The following CHRM3 variants were observed in gnomAD, a reference collection of about 807,000 sequenced individuals.
CHRM3 encodes the protein muscarinic acetylcholine receptor M3.
A neutral mutation model predicts 41.8 loss-of-function variants in CHRM3; 11 were observed. The observed-to-expected ratio is 0.26, with a 90% confidence interval of 0.17 to 0.44. The LOEUF is 0.44. CHRM3 is among the 20% of genes least tolerant of loss of function. The pLI is 1.00. For missense variants in CHRM3, 571 were observed against 745.4 expected, an observed-to-expected ratio of 0.77 and a Z score of 2.72; for synonymous variants, 297 against 301.4, an observed-to-expected ratio of 0.99 and a Z score of 0.15.
intron 5 of CHRM3, among the ~76,000 whole-genome samples, chr1:239,812,071 C>G (rs1416801663): frequency 6.6e-6 from 1 of 152,038 alleles, no homozygotes; most frequent in Non-Finnish European, 1.5e-5. Context: ...ACAGAATCTC[C>G]CTTTGTCACC....
intron 2 of CHRM3, among the ~76,000 whole-genome samples, chr1:239,535,192 G>C (rs1184552105): frequency 6.6e-6 from 1 of 152,052 alleles, no homozygotes; most frequent in Non-Finnish European, 1.5e-5. Flanking sequence ...AGAAAAACTT[G>C]GGGATTCACC....
chr1:239,910,305 ATATATATATATGTG>A lies in CHRM3; in HGVS notation c.*1093_*1106del, dbSNP rs1000330576. 6.4e-6 allele frequency: 1 copy of A among 156,142 alleles called. No individual in the cohort carries two copies. The highest frequency in any genetic ancestry group is 1.5e-5 in the Non-Finnish European group (1 of 65,380). The allele number at this position is 156,142 out of a possible 1,614,324, so 9.7% of individuals were successfully genotyped here. A position where few individuals can be genotyped will look rare whatever the true frequency, so the allele number is the denominator to read the frequency against. On this transcript the variant is annotated 3_prime_UTR_variant, in exon 7 of 7. Transcript: ENST00000676153. ...TCACGTTTGAATGTCATACACAGCAATATATATATATGTGTATATATATATATATGGCAAAGCAA... is the reference window on the plus strand; with the variant it reads ...TCACGTTTGAATGTCATACACAGCAATATATATATATATATGGCAAAGCAA...
chr1:239,849,020 A>C (rs1336567078), intron 6 of CHRM3, among the ~76,000 whole-genome samples: 1 of 152,216 alleles, frequency 6.6e-6, no homozygotes, highest in African/African-American at 2.4e-5. Context: ...TTTGAGTGTT[A>C]GTCCTTATGG....
Position 239,511,950 on chromosome 1 carries a change from G to A in CHRM3, c.-422+19143G>A, listed in dbSNP as rs1048582009. ...CTTGTTTAAAAAGAGGAATCTGGTAGGAACATTAATTGATTATGATGAGTG... is the reference window on the plus strand; with the variant it reads ...CTTGTTTAAAAAGAGGAATCTGGTAAGAACATTAATTGATTATGATGAGTG... On this transcript the variant is annotated intron_variant, in intron 2 of 6. Transcript: ENST00000676153. Among the ~76,000 whole-genome samples the A allele has an allele frequency of 2.0e-5, 3 of 152,252 alleles. No individual in the cohort carries two copies. In the South Asian group the frequency reaches 6.2e-4, roughly 32 times the overall value.
chr1:239,486,774 C>T (rs573084218), intron 1 of CHRM3, among the ~76,000 whole-genome samples: 2 of 152,184 alleles, frequency 1.3e-5, no homozygotes, highest in Admixed American at 6.5e-5. Flanking sequence ...GATGCTTCCT[C>T]ATCACCATCA....
intron 3 of CHRM3, among the ~76,000 whole-genome samples, chr1:239,560,329 G>A (rs1011816317): frequency 1.3e-5 from 2 of 151,818 alleles, no homozygotes; most frequent in South Asian, 4.2e-4. Context: ...TCTTTTTATG[G>A]TCATTAATTT....
intron 5 of CHRM3, among the ~76,000 whole-genome samples, chr1:239,696,730 A>G (rs1247467084): frequency 2.6e-5 from 4 of 152,182 alleles, no homozygotes; most frequent in Non-Finnish European, 5.9e-5. Context: ...TGTGTCAAAA[A>G]TGTCTTTTAT....
At chr1:239,886,616 T>C (rs1003674762) in intron 6 of CHRM3, 16 of 152,246 alleles carry the variant, frequency 1.1e-4, no homozygotes, top group Admixed American at 9.8e-4. Flanking sequence ...GATTTCCATA[T>C]GTTTGCTTGT....
chr1:239,743,028 T>G lies in CHRM3; in HGVS notation c.-147+64740T>G, dbSNP rs78205882. ...ATGTTCAGTGGCTCATAATATTTAA[T>G]GAAGCAGTGACTCGGAGCCCAAAGT... On this transcript the variant is annotated intron_variant, in intron 5 of 6. Transcript: ENST00000676153. Among the ~76,000 whole-genome samples the G allele has an allele frequency of 3.6e-3, 542 of 152,260 alleles. 6 individuals carry two copies. The highest frequency in any genetic ancestry group is 0.012 in the African/African-American group (515 of 41,560).
At chr1:239,653,538 G>A (rs1216134611) in intron 4 of CHRM3, among the ~76,000 whole-genome samples, 2 of 152,112 alleles carry the variant, frequency 1.3e-5, no homozygotes, top group Non-Finnish European at 2.9e-5. Context: ...GGAAGGAGGG[G>A]AAGGTGGTCG....
At chr1:239,446,423 TCTG>T (rs906620675) in intron 1 of CHRM3, among the ~76,000 whole-genome samples, 2 of 152,218 alleles carry the variant, frequency 1.3e-5, no homozygotes, top group African/African-American at 4.8e-5. Flanking sequence ...TGTCATTTAA[TCTG>T]CTAAGAAATC....
At chr1:239,536,758 G>C (rs1363749244) in intron 2 of CHRM3, among the ~76,000 whole-genome samples, 1 of 152,094 alleles carries the variant, frequency 6.6e-6, no homozygotes, top group Non-Finnish European at 1.5e-5. Context: ...GGAAAACCAA[G>C]GTCTTTTCAG....
rs550197406 is a variant in CHRM3 at position 239,516,259 on chromosome 1, G to A, written c.-422+23452G>A. 1.3e-4 allele frequency among the ~76,000 whole-genome samples: 20 copies of A among 152,058 alleles called. 1 individual carries two copies. The highest frequency in any genetic ancestry group is 6.8e-3 in the Middle Eastern group (2 of 292). ...CAATTATGCAAACACATTAAATAAA[G>A]GAAAAGAGCTGTATGTTAAGAAATT... On this transcript the variant is annotated intron_variant, in intron 2 of 6. Transcript: ENST00000676153.
intron 3 of CHRM3, among the ~76,000 whole-genome samples, chr1:239,617,108 A>T (rs1316110207): frequency 6.6e-6 from 1 of 152,144 alleles, no homozygotes; most frequent in African/African-American, 2.4e-5. Context: ...GGTCAAACAA[A>T]ATTGAGAAAA....
chr1:239,772,981 G>A (rs1382334815), intron 5 of CHRM3, among the ~76,000 whole-genome samples: 5 of 152,176 alleles, frequency 3.3e-5, no homozygotes, highest in Non-Finnish European at 7.3e-5. Flanking sequence ...ACTCAGCACA[G>A]AGCCTAGCAC....
chr1:239,415,288 A>G (rs1661409351), intron 1 of CHRM3, among the ~76,000 whole-genome samples: 1 of 152,106 alleles, frequency 6.6e-6, no homozygotes, highest in Non-Finnish European at 1.5e-5. Flanking sequence ...AAAAATGCAA[A>G]AATTAGCCAG....
chr1:239,636,525 G>C (rs1670484972), intron 4 of CHRM3, among the ~76,000 whole-genome samples: 1 of 152,158 alleles, frequency 6.6e-6, no homozygotes, highest in African/African-American at 2.4e-5. Context: ...TAGCCTCGTG[G>C]TTACATTACA....
intron 5 of CHRM3, among the ~76,000 whole-genome samples, chr1:239,716,800 GA>G (rs1291980754): frequency 2.6e-5 from 4 of 152,058 alleles, no homozygotes; most frequent in African/African-American, 9.7e-5. Context: ...AGCTCAAGGG[GA>G]GCGGGGATGT....
At chr1:239,702,610 T>G (rs147078632) in intron 5 of CHRM3, among the ~76,000 whole-genome samples, 1 of 152,352 alleles carries the variant, frequency 6.6e-6, no homozygotes, top group Non-Finnish European at 1.5e-5. Context: ...CTCACTTTGC[T>G]TTTTTCTTTT....
Sources: gnomAD v4.1 joint callset for allele counts (sites outside exome capture counted in the v4.1 genomes callset) on GRCh38, gnomAD v4.1.1 for gene constraint, MANE v1.5 for transcripts, NCBI Gene and HGNC (gene_info 2026-07-23, HGNC 2026-07-21) for gene names.